PLA2G4E: variants seen among roughly 807,000 people sequenced by gnomAD.
The protein encoded by PLA2G4E is cytosolic phospholipase A2 epsilon.
In PLA2G4E, 84 loss-of-function variants were observed where a neutral mutation model predicts 109.1. The observed-to-expected ratio is 0.77, with a 90% CI of 0.65 to 0.92. PLA2G4E has a LOEUF of 0.92. Ranked by LOEUF, PLA2G4E falls within the 40% of genes least tolerant of loss-of-function variation. The pLI, the probability that PLA2G4E is intolerant of heterozygous loss-of-function variation, is 0.00. For missense variants in PLA2G4E, 1,057 were observed against 1,076.6 expected (o/e 0.98, Z 0.25); for synonymous variants, 469 against 436.1 (o/e 1.08, Z -0.94).
intron 1 of PLA2G4E, among the ~76,000 whole-genome samples, chr15:42,034,063 T>C (rs1889165497): frequency 6.6e-6 from 1 of 152,190 alleles, no homozygotes; most frequent in Non-Finnish European, 1.5e-5. Context: ...ATCTGCCTCG[T>C]AGCCCTCAGC....
chr15:42,008,702 T>C (rs1211897387), intron 2 of PLA2G4E, among the ~76,000 whole-genome samples: 4 of 152,178 alleles, frequency 2.6e-5, no homozygotes, highest in Admixed American at 2.6e-4. Context: ...CCTGCTCTAG[T>C]CTACCTGGGA....
chr15:42,000,204 G>A, exon 8 of PLA2G4E: 1 of 1,591,674 alleles, frequency 6.3e-7, no homozygotes, highest in Non-Finnish European at 8.6e-7. Context: ...GGCAGAGGTT[G>A]GGCAGCAGGG....
At chr15:41,999,672 C>A in intron 9 of PLA2G4E, 111 bp from the exon 10 acceptor site, 1 of 1,328,722 alleles carries the variant, frequency 7.5e-7, no homozygotes, top group South Asian at 1.3e-5. Context: ...CACACACAGG[C>A]GCTCCATCCC....
At chr15:42,050,604 T>G (rs1020711996) in exon 1 of PLA2G4E, 2 of 1,550,464 alleles carry the variant, frequency 1.3e-6, no homozygotes, top group African/African-American at 1.4e-5. Flanking sequence ...TCACTGAAAC[T>G]TCTTCCTGAC....
intron 1 of PLA2G4E, among the ~76,000 whole-genome samples, chr15:42,039,268 A>C (rs1889273581): frequency 1.3e-5 from 2 of 152,258 alleles, no homozygotes; most frequent in South Asian, 4.1e-4. Context: ...CTGCTCAAAA[A>C]TTTCATTTAA....
At chr15:41,991,022 C>T (rs749053559) in intron 13 of PLA2G4E, among the ~76,000 whole-genome samples, 12 of 152,098 alleles carry the variant, frequency 7.9e-5, no homozygotes, top group South Asian at 4.2e-4. Flanking sequence ...CATGTATATG[C>T]CCAATGACAT....
At chr15:42,006,019 T>C (rs2068472770) in exon 4 of PLA2G4E, 1 of 1,613,768 alleles carries the variant, frequency 6.2e-7, no homozygotes, top group African/African-American at 1.3e-5. Flanking sequence ...TTCACGTGGG[T>C]TTTCTTTCGG....
intron 1 of PLA2G4E, among the ~76,000 whole-genome samples, chr15:42,021,948 T>C (rs2068652768): frequency 1.3e-5 from 2 of 152,198 alleles, no homozygotes; most frequent in South Asian, 4.1e-4. Context: ...CTGTGGGAAC[T>C]CTTCACGTGC....
chr15:42,030,548 A>T (rs1889094680), intron 1 of PLA2G4E, among the ~76,000 whole-genome samples: 1 of 152,220 alleles, frequency 6.6e-6, no homozygotes, highest in Non-Finnish European at 1.5e-5. Context: ...ACGTTTGTGG[A>T]GGAGGAGGAG....
At chr15:42,003,951 A>C (rs1006786177) in intron 5 of PLA2G4E, among the ~76,000 whole-genome samples, 2 of 150,918 alleles carry the variant, frequency 1.3e-5, no homozygotes, top group Non-Finnish European at 2.9e-5. Context: ...CCCTCCTTCC[A>C]GACCTCCAGC....
intron 5 of PLA2G4E, among the ~76,000 whole-genome samples, chr15:42,003,528 T>C (rs2068442067): frequency 6.6e-6 from 1 of 152,242 alleles, no homozygotes; most frequent in African/African-American, 2.4e-5. Flanking sequence ...GCCTAGGAGT[T>C]TTCCCCGCCC....
intron 1 of PLA2G4E, among the ~76,000 whole-genome samples, chr15:42,022,238 G>A (rs146062044): frequency 1.1e-3 from 172 of 152,252 alleles, no homozygotes; most frequent in Middle Eastern, 3.4e-3. Flanking sequence ...GGTGAGAGGG[G>A]GCATCTTAGA....
At chr15:42,034,140 G>C (rs1197305782) in intron 1 of PLA2G4E, among the ~76,000 whole-genome samples, 1 of 152,268 alleles carries the variant, frequency 6.6e-6, no homozygotes, top group East Asian at 1.9e-4. Context: ...GTTTGTCCAA[G>C]ACTAAAGGGT....
At chr15:42,028,376 T>TTTAC (rs1368082499) in intron 1 of PLA2G4E, among the ~76,000 whole-genome samples, 16 of 109,918 alleles carry the variant, frequency 1.5e-4, no homozygotes, top group Admixed American at 4.3e-4. Context: ...ATTTTATTTA[T>TTTAC]TTATTTACTT....
At chr15:42,003,271 G>T (rs1207208633) in intron 5 of PLA2G4E, among the ~76,000 whole-genome samples, 2 of 152,130 alleles carry the variant, frequency 1.3e-5, no homozygotes, top group African/African-American at 4.8e-5. Context: ...CTTTATTGTT[G>T]TTGTTGAGAA....
chr15:42,008,806 G>A (rs1301317880), intron 2 of PLA2G4E, among the ~76,000 whole-genome samples: 1 of 152,218 alleles, frequency 6.6e-6, no homozygotes, highest in Non-Finnish European at 1.5e-5. Flanking sequence ...ATAGGAAATG[G>A]TGAAAGCCAG....
intron 1 of PLA2G4E, among the ~76,000 whole-genome samples, chr15:42,043,581 A>C (rs905874318): frequency 5.7e-5 from 8 of 141,354 alleles, no homozygotes; most frequent in Non-Finnish European, 1.2e-4. Flanking sequence ...AAAAAAAAAA[A>C]AAACAACCAC....
chr15:42,040,549 TAG>T (rs1889297840), intron 1 of PLA2G4E, among the ~76,000 whole-genome samples: 1 of 152,258 alleles, frequency 6.6e-6, no homozygotes, highest in South Asian at 2.1e-4. Flanking sequence ...TTTCAGATAT[TAG>T]GTTTCTCTAT....
At chr15:42,005,887 C>T in intron 4 of PLA2G4E, 103 bp downstream of exon 4, 3 of 1,370,462 alleles carry the variant, frequency 2.2e-6, no homozygotes, top group Non-Finnish European at 2.0e-6. Context: ...CTCAACTTGA[C>T]TGTGTACACA....
Sources: allele counts gnomAD v4.1 joint callset (sites outside exome capture counted in the v4.1 genomes callset), GRCh38; gene constraint gnomAD v4.1.1; transcripts MANE v1.5; gene names NCBI Gene and HGNC (gene_info 2026-07-23, HGNC 2026-07-21).